The following CMIP variants were observed in gnomAD, a reference collection of about 807,000 sequenced individuals.
CMIP encodes C-Maf-inducing protein.
A neutral mutation model predicts 97.3 loss-of-function variants in CMIP; 13 were observed. That is an observed-to-expected ratio of 0.13 (90% CI 0.09 to 0.21). The LOEUF (loss-of-function observed/expected upper bound fraction) is 0.21, where lower values mean the gene tolerates loss of function less well. CMIP is among the 10% of genes least tolerant of loss of function. CMIP has a pLI of 1.00. For missense variants in CMIP, 847 were observed against 1,024.9 expected (o/e 0.83, Z 2.37); for synonymous variants, 538 against 436.3 (o/e 1.23, Z -2.91).
chr16:81,481,571 G>T (rs1456166923), intron 1 of CMIP, among the ~76,000 whole-genome samples: 1 of 152,212 alleles, frequency 6.6e-6, no homozygotes, highest in African/African-American at 2.4e-5. Flanking sequence ...CTCCCAGAGG[G>T]TGCTGTTTCA....
intron 4 of CMIP, among the ~76,000 whole-genome samples, chr16:81,653,225 C>A (rs1172565318): frequency 6.6e-6 from 1 of 152,152 alleles, no homozygotes; most frequent in African/African-American, 2.4e-5. Flanking sequence ...GCTTCTGTCC[C>A]CCTCCCCTGA....
intron 6 of CMIP, among the ~76,000 whole-genome samples, chr16:81,661,429 C>T (rs1319399745): frequency 6.6e-6 from 1 of 152,262 alleles, no homozygotes; most frequent in East Asian, 1.9e-4. Flanking sequence ...AGGACATGTC[C>T]AGGGCACATC....
chr16:81,691,394 T>C (rs1906053416), intron 10 of CMIP, among the ~76,000 whole-genome samples: 1 of 150,666 alleles, frequency 6.6e-6, no homozygotes, highest in Non-Finnish European at 1.5e-5. Context: ...TACAGTCACA[T>C]TCTGAAGTAC....
intron 1 of CMIP, among the ~76,000 whole-genome samples, chr16:81,493,991 T>C (rs1296319807): frequency 6.6e-6 from 1 of 152,232 alleles, no homozygotes; most frequent in Admixed American, 6.5e-5. Flanking sequence ...TTAAAATCTC[T>C]TAATTAAAAA....
At chr16:81,477,986 G>C (rs1261688900) in intron 1 of CMIP, among the ~76,000 whole-genome samples, 2 of 152,236 alleles carry the variant, frequency 1.3e-5, no homozygotes, top group African/African-American at 4.8e-5. Context: ...GGCTGCAAGA[G>C]CATCTGGGAA....
chr16:81,448,552 C>G (rs1906009731), intron 1 of CMIP, among the ~76,000 whole-genome samples: 1 of 152,238 alleles, frequency 6.6e-6, no homozygotes, highest in African/African-American at 2.4e-5. Context: ...CCTCACCCGC[C>G]TGGCCTGCCT....
chr16:81,573,442 A>G, intron 1 of CMIP, among the ~76,000 whole-genome samples: 1 of 152,206 alleles, frequency 6.6e-6, no homozygotes. Context: ...AAGGAAAGGT[A>G]TACCCTGCTA....
chr16:81,453,561 G>T lies in CMIP; in HGVS notation c.300+8020G>T, dbSNP rs1286253285. On this transcript the variant is annotated intron_variant, in intron 1 of 20. Coordinates refer to ENST00000537098, the MANE Select transcript of CMIP (RefSeq NM_198390.3). The surrounding 1 kb of genome is among the most constrained non-coding windows in gnomAD (Gnocchi z 4.0). ...CTCCTCCCTCGCATGTTGGCTCCCT[G>T]TGTGGACTAGGTGACCCTGTTTACC... 6.6e-6 allele frequency among the ~76,000 whole-genome samples: 1 copy of T among 152,216 alleles called. No individual in the cohort carries two copies. Among genetic ancestry groups the T allele is most frequent in the South Asian group, 2.1e-4 (1 of 4,834 alleles).
Position 81,496,251 on chromosome 16 carries a change from GTTAA to G in CMIP, c.300+50715_300+50718del, listed in dbSNP as rs572527034. ...GTTACTATTAAAATTGCTACATTTAGTTAATTAAAATAAATATTAAATCAATATT... is the reference window on the plus strand; with the variant it reads ...GTTACTATTAAAATTGCTACATTTAGTTAAAATAAATATTAAATCAATATT... On this transcript the variant is annotated intron_variant, in intron 1 of 20. Transcript: ENST00000537098. Among the ~76,000 whole-genome samples, 525 of 152,310 alleles carry G rather than the reference GTTAA, an allele frequency of 3.4e-3. 2 individuals are homozygous for G. The highest frequency in any genetic ancestry group is 4.9e-3 in the Non-Finnish European group (330 of 68,028).
intron 1 of CMIP, among the ~76,000 whole-genome samples, chr16:81,572,494 G>A (rs2091110580): frequency 6.6e-6 from 1 of 152,218 alleles, no homozygotes; most frequent in South Asian, 2.1e-4. Context: ...AGTGGACGGG[G>A]CCAGTGTTCT....
chr16:81,541,702 G>A (rs1045819500), intron 1 of CMIP, among the ~76,000 whole-genome samples: 1 of 152,202 alleles, frequency 6.6e-6, no homozygotes, highest in African/African-American at 2.4e-5. Context: ...AACAACCGAT[G>A]TTGTGGGTGA....
At chr16:81,644,225 G>A in intron 3 of CMIP, among the ~76,000 whole-genome samples, 1 of 152,220 alleles carries the variant, frequency 6.6e-6, no homozygotes, top group East Asian at 1.9e-4. Flanking sequence ...TCCAGTCATG[G>A]TGGTGCTGGT....
chr16:81,685,452 C>G (rs1047217179), intron 10 of CMIP, among the ~76,000 whole-genome samples: 10 of 152,190 alleles, frequency 6.6e-5, no homozygotes, highest in African/African-American at 2.4e-4. Flanking sequence ...CCTGATTCCT[C>G]TGATTGTGGG....
intron 9 of CMIP, among the ~76,000 whole-genome samples, chr16:81,674,171 G>A (rs1048486639): frequency 6.6e-6 from 1 of 152,144 alleles, no homozygotes; most frequent in Non-Finnish European, 1.5e-5. Context: ...AGAAGGAAGT[G>A]CAGGGACTCC....
intron 1 of CMIP, among the ~76,000 whole-genome samples, chr16:81,591,103 T>C (rs756790204): frequency 2.0e-5 from 3 of 152,078 alleles, no homozygotes; most frequent in Non-Finnish European, 2.9e-5. Flanking sequence ...GATTTAGAGT[T>C]ATAGCAGATT....
chr16:81,504,610 T>C (rs2089671355), intron 1 of CMIP, among the ~76,000 whole-genome samples: 1 of 120,624 alleles, frequency 8.3e-6, no homozygotes, highest in African/African-American at 3.3e-5. Flanking sequence ...GCCATCGCAC[T>C]CCAGCCTCGG....
At chr16:81,700,133 C>T (rs942215482) in intron 15 of CMIP, among the ~76,000 whole-genome samples, 6 of 152,116 alleles carry the variant, frequency 3.9e-5, no homozygotes, top group Non-Finnish European at 7.4e-5. Flanking sequence ...GGTACCTGGG[C>T]GCAGCTACGC....
At chr16:81,673,628 C>G in intron 9 of CMIP, among the ~76,000 whole-genome samples, 1 of 152,246 alleles carries the variant, frequency 6.6e-6, no homozygotes, top group East Asian at 1.9e-4. Flanking sequence ...CTGAGAGTTG[C>G]TCTGCTGAGA....
In CMIP at chr16:81,448,533, AGCCAG is replaced by A. The variant is rs376151872; in HGVS notation, c.300+2993_300+2997del. Among the ~76,000 whole-genome samples, 58 of 152,254 alleles carry A rather than the reference AGCCAG, an allele frequency of 3.8e-4. No homozygotes were observed. The East Asian group carries it at 8.1e-3, about 21-fold the overall frequency. On this transcript the variant is annotated intron_variant, in intron 1 of 20. Coordinates refer to ENST00000537098, the MANE Select transcript of CMIP (RefSeq NM_198390.3). ...GCCCTCCAGGCTGTCTTACCGGTGG[AGCCAG>A]CAGCCTCACCCGCCTGGCCTGCCTG...
Sources: gnomAD v4.1 joint callset for allele counts (sites outside exome capture counted in the v4.1 genomes callset) on GRCh38, gnomAD v4.1.1 for gene constraint, Gnocchi (gnomAD v3.1) non-coding constraint, MANE v1.5 for transcripts, NCBI Gene and HGNC (gene_info 2026-07-23, HGNC 2026-07-21) for gene names.